Variants in FBN1 observed in about 807,000 individuals in gnomAD.
The protein encoded by FBN1 is fibrillin 1.
Under a neutral mutation model 365.1 loss-of-function variants are expected in FBN1, and 29 were observed. The ratio of observed to expected loss-of-function variants is 0.08; its 90% CI spans 0.06 to 0.11. FBN1 has a LOEUF of 0.11. Among genes scored for constraint, FBN1 ranks in the 10% least tolerant of loss-of-function variants. The pLI, the probability that FBN1 is intolerant of heterozygous loss-of-function variation, is 1.00. For missense variants in FBN1, 2,476 were observed against 3,703.2 expected, an observed-to-expected ratio of 0.67 and a Z score of 8.60; for synonymous variants, 1,210 against 1,270.5, an observed-to-expected ratio of 0.95 and a Z score of 1.01.
Position 48,463,495 on chromosome 15 carries a change from A to G in FBN1, c.5066-255T>C, listed in dbSNP as rs570409252. On this transcript the variant is annotated intron_variant, in intron 41 of 65. Coordinates refer to ENST00000316623, the MANE Select transcript of FBN1 (RefSeq NM_000138.5). ...AAGTCATTATATAGCTGTAGCATTAATAAACTTTAAATGACTCTCTGCCCA... is the reference window on the plus strand; with the variant it reads ...AAGTCATTATATAGCTGTAGCATTAGTAAACTTTAAATGACTCTCTGCCCA... 2.6e-5 allele frequency among the ~76,000 whole-genome samples: 4 copies of G among 152,340 alleles called. No homozygotes were observed. The East Asian group carries it at 7.7e-4, about 29-fold the overall frequency.
At chr15:48,629,136 A>C (rs1597643087) in intron 2 of FBN1, among the ~76,000 whole-genome samples, 1 of 152,256 alleles carries the variant, frequency 6.6e-6, no homozygotes, top group East Asian at 1.9e-4. Flanking sequence ...TTAAGCTAGA[A>C]TCTAAACCAT....
At chr15:48,634,700 T>G (rs1378295008) in intron 2 of FBN1, among the ~76,000 whole-genome samples, 1 of 151,834 alleles carries the variant, frequency 6.6e-6, no homozygotes, top group Admixed American at 6.6e-5. Flanking sequence ...ATTCCTATCC[T>G]CCCTATTTTA....
At chr15:48,467,411 T>C (rs773594632) in intron 38 of FBN1, among the ~76,000 whole-genome samples, 2 of 152,224 alleles carry the variant, frequency 1.3e-5, no homozygotes, top group Non-Finnish European at 2.9e-5. Context: ...TGAATCATAA[T>C]ACAGGACTCA....
At chr15:48,473,075 C>A (rs1335130775) in intron 34 of FBN1, among the ~76,000 whole-genome samples, 3 of 152,152 alleles carry the variant, frequency 2.0e-5, no homozygotes, top group Non-Finnish European at 4.4e-5. Context: ...AGAAAAATTC[C>A]ATCTGCTTAA....
intron 6 of FBN1, among the ~76,000 whole-genome samples, chr15:48,542,833 T>TG (rs1566923409): frequency 9.3e-6 from 1 of 108,006 alleles, no homozygotes; most frequent in Admixed American, 9.6e-5. Flanking sequence ...GTGTGTGTAT[T>TG]TTTTTTCCTT....
chr15:48,469,067 C>CA (rs56789154), intron 36 of FBN1, among the ~76,000 whole-genome samples: 15,956 of 90,504 alleles, frequency 0.18, 1,298 homozygotes, highest in African/African-American at 0.24. Context: ...GACTCCGTCT[C>CA]AAAAAAAAAA....
At chr15:48,561,345 G>A (rs1216845090) in intron 6 of FBN1, among the ~76,000 whole-genome samples, 1 of 152,114 alleles carries the variant, frequency 6.6e-6, no homozygotes, top group African/African-American at 2.4e-5. Flanking sequence ...GCCCTACAAT[G>A]AATGTTAATG....
At chr15:48,419,164 T>C (rs1426395203) in intron 63 of FBN1, among the ~76,000 whole-genome samples, 2 of 152,192 alleles carry the variant, frequency 1.3e-5, no homozygotes, top group Non-Finnish European at 2.9e-5. Context: ...CAATTTGGCA[T>C]TTGGAGACAT....
At position 48,453,833 on chromosome 15, in the gene FBN1, TA is replaced by T. The variant is rs879610015; in HGVS notation, c.5423-1150del. ...AACTGCACTAGAAAATAAAGTCTAT[TA>T]AAAAAAAAAGAAAGAAAGAAAGGAA... On this transcript the variant is annotated intron_variant, in intron 44 of 65. Transcript: ENST00000316623. 4.5e-3 allele frequency among the ~76,000 whole-genome samples: 661 copies of T among 147,086 alleles called. 5 individuals carry two copies. Among genetic ancestry groups the T allele is most frequent in the Non-Finnish European group, 7.1e-3 (470 of 66,432 alleles).
Position 48,411,295 on chromosome 15 carries a change from C to T in FBN1, c.8311G>A (p.Val2771Ile), listed in dbSNP as rs193922244. The T allele has an allele frequency of 3.5e-5, 56 of 1,613,902 alleles. No homozygotes were observed. Among genetic ancestry groups the T allele is most frequent in the South Asian group, 2.9e-4 (26 of 91,082 alleles). Reference sequence around the variant, plus strand: ...TCTAGGATTCGAACCTTGTTACTGACGTGGGAAATATTGAAAGCAAAGATG... The same window carrying T: ...TCTAGGATTCGAACCTTGTTACTGATGTGGGAAATATTGAAAGCAAAGATG... ...TAIFAFNISH[V>I]SNKVRILELL... Residue 2771 changes from valine (V) to isoleucine (I), a missense_variant, in exon 66 of 66, where the codon GTC becomes ATC. Around this residue, in one of 5 missense-constraint regions of FBN1, gnomAD observed 177 missense variants for 192.7 expected, o/e 0.92. Coordinates refer to ENST00000316623, the MANE Select transcript of FBN1 (RefSeq NM_000138.5).
intron 8 of FBN1, among the ~76,000 whole-genome samples, chr15:48,531,603 G>A (rs190445641): frequency 5.3e-5 from 8 of 152,226 alleles, no homozygotes; most frequent in South Asian, 2.1e-4. Flanking sequence ...CAGTGATTAC[G>A]GGCCAGACTT....
intron 18 of FBN1, among the ~76,000 whole-genome samples, chr15:48,497,866 A>C (rs541978870): frequency 6.6e-6 from 1 of 152,332 alleles, no homozygotes; most frequent in African/African-American, 2.4e-5. Context: ...AATATCCTCA[A>C]GATAAAACTA....
chr15:48,615,455 G>A (rs182734894), intron 2 of FBN1, among the ~76,000 whole-genome samples: 4 of 151,928 alleles, frequency 2.6e-5, no homozygotes, highest in Admixed American at 2.6e-4. Context: ...ATTTTCCAAG[G>A]AATTTGAAAA....
intron 62 of FBN1, among the ~76,000 whole-genome samples, chr15:48,421,188 G>T (rs1032847723): frequency 6.6e-6 from 1 of 151,988 alleles, no homozygotes; most frequent in East Asian, 1.9e-4. Flanking sequence ...GTCATCAGAA[G>T]AGCTATTCCT....
At chr15:48,448,665 C>G in intron 46 of FBN1, 103 bp downstream of exon 46, 1 of 1,164,326 alleles carries the variant, frequency 8.6e-7, no homozygotes, top group Middle Eastern at 2.5e-4. Context: ...TTGTATATAG[C>G]AAAAATACTA....
chr15:48,628,676 A>T (rs1889931068), intron 2 of FBN1, among the ~76,000 whole-genome samples: 2 of 152,380 alleles, frequency 1.3e-5, no homozygotes, highest in East Asian at 1.9e-4. Context: ...CAGACCCAGC[A>T]TATTGCAAAC....
intron 43 of FBN1, among the ~76,000 whole-genome samples, chr15:48,458,387 C>T (rs1322738200): frequency 6.6e-6 from 1 of 152,168 alleles, no homozygotes; most frequent in African/African-American, 2.4e-5. Context: ...AAAGAAACAG[C>T]TTAGAATCTC....
At chr15:48,452,185 C>T (rs2043206112) in intron 45 of FBN1, among the ~76,000 whole-genome samples, 1 of 152,110 alleles carries the variant, frequency 6.6e-6, no homozygotes. Context: ...GAGAGGGATT[C>T]TGTGGAAGGA....
intron 36 of FBN1, among the ~76,000 whole-genome samples, chr15:48,468,936 T>C (rs2043345016): frequency 1.3e-5 from 2 of 151,272 alleles, no homozygotes; most frequent in Non-Finnish European, 1.5e-5. Flanking sequence ...GGCGTGGTGG[T>C]GGGTGCCTGT....
Sources: allele counts gnomAD v4.1 joint callset (sites outside exome capture counted in the v4.1 genomes callset), GRCh38; gene constraint gnomAD v4.1.1; regional missense constraint gnomAD v4.1.1; transcripts MANE v1.5; gene names NCBI Gene and HGNC (gene_info 2026-07-23, HGNC 2026-07-21).